RANBP9: variants seen among roughly 807,000 people sequenced by gnomAD.
RANBP9 encodes the protein RAN binding protein 9, also known as ran-binding protein 9.
A neutral mutation model predicts 84.3 loss-of-function variants in RANBP9; 15 were observed. The observed-to-expected ratio is 0.18, with a 90% CI of 0.12 to 0.27. The LOEUF (loss-of-function observed/expected upper bound fraction) is 0.27. Among genes scored for constraint, RANBP9 ranks in the 10% least tolerant of loss-of-function variants. The pLI, the probability that RANBP9 is intolerant of heterozygous loss-of-function variation, is 1.00. For missense variants in RANBP9, 809 were observed against 912.8 expected (o/e 0.89, Z 1.46); for synonymous variants, 392 against 349.6 (o/e 1.12, Z -1.35).
At chr6:13,693,868 C>A (rs1181714887) in intron 2 of RANBP9, among the ~76,000 whole-genome samples, 2 of 151,896 alleles carry the variant, frequency 1.3e-5, no homozygotes, top group Non-Finnish European at 2.9e-5. Context: ...CATTGTGAAA[C>A]CCTGTCTCTA....
chr6:13,705,868 CAAAA>C (rs767070995), intron 1 of RANBP9, among the ~76,000 whole-genome samples: 8 of 76,766 alleles, frequency 1.0e-4, no homozygotes, highest in South Asian at 4.8e-4. Flanking sequence ...GACTCCGTCT[CAAAA>C]AAAAAAAAAA....
intron 13 of RANBP9, among the ~76,000 whole-genome samples, 173 bp downstream of exon 13, chr6:13,625,480 C>CCAT (rs1764576585): frequency 1.3e-5 from 2 of 152,220 alleles, no homozygotes; most frequent in African/African-American, 4.8e-5. Flanking sequence ...TTTAAATCCA[C>CCAT]TTGAATCTGG....
intron 2 of RANBP9, among the ~76,000 whole-genome samples, chr6:13,665,093 C>A (rs982065326): frequency 5.3e-5 from 8 of 152,092 alleles, no homozygotes; most frequent in African/African-American, 1.9e-4. Flanking sequence ...CTATCTCACA[C>A]AATACACAAA....
rs752370664 is a variant in RANBP9, at chr6:13,710,945, C to A, written c.561G>T (p.Val187=). ...ACACACGCCCAGTACCTTTGTAGTG[C>A]ACCCGCAGGTTGTTCTGAGAGAGGC... is the stretch of plus-strand genomic sequence containing the variant. ...YIGLSQNNLR[V]HYKGHGKTPK... Residue 187 remains valine, a synonymous_variant, in exon 1 of 14, where the codon GTG becomes GTT. Coordinates refer to ENST00000011619, the MANE Select transcript of RANBP9 (RefSeq NM_005493.3). 1 of 1,607,684 alleles carries A rather than the reference C, an allele frequency of 6.2e-7. No homozygotes were observed. The highest frequency in any genetic ancestry group is 1.1e-5 in the South Asian group (1 of 90,100).
intron 1 of RANBP9, 46 bp downstream of exon 1, chr6:13,710,889 C>T (rs930885769): frequency 2.6e-6 from 4 of 1,539,600 alleles, no homozygotes; most frequent in Non-Finnish European, 3.5e-6. Context: ...CGGCCGGCCA[C>T]GTCGGGTCAG....
intron 2 of RANBP9, among the ~76,000 whole-genome samples, chr6:13,683,966 C>T (rs148616737): frequency 4.6e-5 from 7 of 152,202 alleles, no homozygotes; most frequent in African/African-American, 9.6e-5. Context: ...TTTCTCTCCA[C>T]CAAAAATGTG....
intron 1 of RANBP9, among the ~76,000 whole-genome samples, chr6:13,705,784 A>G (rs1047971190): frequency 3.4e-5 from 5 of 148,444 alleles, no homozygotes; most frequent in Non-Finnish European, 7.4e-5. Context: ...AATGGTCTGA[A>G]CCCAGGAGGC....
chr6:13,625,602 T>TAAATTTTCA, intron 13 of RANBP9, 51 bp downstream of exon 13: 1 of 1,364,568 alleles, frequency 7.3e-7, no homozygotes. Context: ...CACCCTCTCT[T>TAAATTTTCA]AAATTTTCAG....
At chr6:13,686,167 G>C (rs1161052113) in intron 2 of RANBP9, among the ~76,000 whole-genome samples, 1 of 125,462 alleles carries the variant, frequency 8.0e-6, no homozygotes, top group African/African-American at 3.1e-5. Context: ...TGTAGTGACA[G>C]AAACACAGTT....
intron 13 of RANBP9, among the ~76,000 whole-genome samples, chr6:13,623,358 A>ATGG (rs1191718729): frequency 6.6e-6 from 1 of 152,204 alleles, no homozygotes; most frequent in Admixed American, 6.5e-5. Context: ...AAGGCTTCAT[A>ATGG]TGGTTTAACT....
chr6:13,694,793 C>T (rs570372347), intron 2 of RANBP9, among the ~76,000 whole-genome samples: 2 of 152,282 alleles, frequency 1.3e-5, no homozygotes, highest in East Asian at 1.9e-4. Context: ...GTATTTACCA[C>T]ATGCCCTTTA....
rs1289029462 is a variant in RANBP9 at position 13,711,196 on chromosome 6, C to A, written c.310G>T (p.Ala104Ser). 1.8e-6 allele frequency: 2 copies of A among 1,105,334 alleles called. No individual in the cohort carries two copies. Among genetic ancestry groups the A allele is most frequent in the African/African-American group, 3.6e-5 (2 of 55,272 alleles). 68.5% of individuals were successfully genotyped at this position (1,105,334 alleles called of 1,614,324 possible). A position where few individuals can be genotyped will look rare whatever the true frequency, so the allele number is the denominator to read the frequency against. The change falls in exon 1 of 14, where the codon GCT (alanine) becomes TCT (serine). Residue 104 changes from alanine (A) to serine (S), a missense_variant. Around this residue, in one of 5 missense-constraint regions of RANBP9, gnomAD observed 302 missense variants for 240.1 expected, o/e 1.26. Transcript: ENST00000011619. Reference protein sequence around the residue: ...SAAAPASGPPAPPGLAAGPGP... With the variant: ...SAAAPASGPPSPPGLAAGPGP... ...GGGCCCGCTGCAAGGCCCGGGGGAG[C>A]GGGCGGCCCGCTGGCGGGGGCAGCC...
intron 2 of RANBP9, among the ~76,000 whole-genome samples, chr6:13,680,252 C>T (rs183980360): frequency 6.6e-6 from 1 of 151,894 alleles, no homozygotes; most frequent in Admixed American, 6.6e-5. Flanking sequence ...ATACTGAAAA[C>T]CATCATACGA....
intron 1 of RANBP9, among the ~76,000 whole-genome samples, chr6:13,709,465 C>G (rs539187643): frequency 1.2e-3 from 184 of 152,328 alleles, no homozygotes; most frequent in African/African-American, 4.2e-3. Flanking sequence ...CTAACAATAG[C>G]TTTCTGGCAG....
At chr6:13,634,153 G>A (rs905913511) in intron 11 of RANBP9, among the ~76,000 whole-genome samples, 1 of 152,136 alleles carries the variant, frequency 6.6e-6, no homozygotes, top group East Asian at 1.9e-4. Context: ...TAGCCTAGAG[G>A]CTCAACACCA....
At chr6:13,677,061 AAAAAT>A (rs1280002925) in intron 2 of RANBP9, among the ~76,000 whole-genome samples, 1 of 152,224 alleles carries the variant, frequency 6.6e-6, no homozygotes, top group Non-Finnish European at 1.5e-5. Flanking sequence ...TTGAGAAAGA[AAAAAT>A]AAACCTACTT....
At chr6:13,686,711 A>G (rs909479587) in intron 2 of RANBP9, among the ~76,000 whole-genome samples, 2 of 152,194 alleles carry the variant, frequency 1.3e-5, no homozygotes, top group Non-Finnish European at 2.9e-5. Context: ...GCCTTGAATT[A>G]TCAAATTGGC....
At chr6:13,689,092 G>A (rs191157085) in intron 2 of RANBP9, among the ~76,000 whole-genome samples, 68 of 151,734 alleles carry the variant, frequency 4.5e-4, no homozygotes, top group African/African-American at 1.6e-3. Flanking sequence ...GGGAGGTCAA[G>A]GCTACAGAGA....
chr6:13,710,424 T>G (rs1286515338), intron 1 of RANBP9, among the ~76,000 whole-genome samples: 1 of 152,134 alleles, frequency 6.6e-6, no homozygotes, highest in Non-Finnish European at 1.5e-5. Flanking sequence ...TTTGTCCCCC[T>G]AGACAATCTC....
Sources: allele counts gnomAD v4.1 joint callset (sites outside exome capture counted in the v4.1 genomes callset), GRCh38; gene constraint gnomAD v4.1.1; regional missense constraint gnomAD v4.1.1; transcripts MANE v1.5; gene names NCBI Gene and HGNC (gene_info 2026-07-23, HGNC 2026-07-21).